The following TMEM163 variants were observed in gnomAD, a reference collection of about 807,000 sequenced individuals.
TMEM163 encodes transmembrane protein 163.
In TMEM163, 17 loss-of-function variants were observed where a neutral mutation model predicts 29.3. The observed-to-expected ratio is 0.58, with a 90% CI of 0.40 to 0.87. The LOEUF is 0.87. Ranked by LOEUF, TMEM163 falls within the 40% of genes least tolerant of loss-of-function variation. The pLI, the probability that TMEM163 is intolerant of heterozygous loss-of-function variation, is 0.00. For synonymous variants in TMEM163, 157 were observed against 160.6 expected (o/e 0.98, Z 0.17); for missense variants, 303 against 381.5 (o/e 0.79, Z 1.71).
At chr2:134,550,728 G>T in intron 3 of TMEM163, 67 bp from the exon 4 acceptor site, 1 of 1,444,208 alleles carries the variant, frequency 6.9e-7, no homozygotes, top group Non-Finnish European at 9.7e-7. Flanking sequence ...GAAGACACAG[G>T]ACAACTGTGC....
At chr2:134,642,738 C>T (rs927753636) in intron 2 of TMEM163, among the ~76,000 whole-genome samples, 2 of 151,844 alleles carry the variant, frequency 1.3e-5, no homozygotes, top group Non-Finnish European at 2.9e-5. Context: ...CATTTAGAAA[C>T]CAAACAACAC....
chr2:134,633,964 TACA>T (rs1683036340), intron 2 of TMEM163, among the ~76,000 whole-genome samples: 1 of 51,958 alleles, frequency 1.9e-5, no homozygotes, highest in East Asian at 6.6e-4. Context: ...AAAAAAAAAA[TACA>T]TATATATATA....
intron 4 of TMEM163, among the ~76,000 whole-genome samples, chr2:134,532,877 T>A (rs1044020765): frequency 3.3e-5 from 5 of 152,138 alleles, no homozygotes; most frequent in Admixed American, 3.3e-4. Flanking sequence ...ACAATCAAAA[T>A]TACAGATCAG....
At chr2:134,621,717 C>T (rs1682739856) in intron 2 of TMEM163, among the ~76,000 whole-genome samples, 1 of 151,608 alleles carries the variant, frequency 6.6e-6, no homozygotes, top group African/African-American at 2.4e-5. Flanking sequence ...AGTGAAACCC[C>T]GTCTCTACTA....
rs1684960125 is a variant in TMEM163 at position 134,713,066 on chromosome 2, C to T, written c.322+134G>A. On this transcript the variant is annotated intron_variant, in intron 2 of 7. Transcript: ENST00000281924. ...GCCTTTTGACTAATTTATCAGTACCCTGACTATCCAACAATCTAAAAAAAT... is the reference window on the plus strand; with the variant it reads ...GCCTTTTGACTAATTTATCAGTACCTTGACTATCCAACAATCTAAAAAAAT... 9 of 1,334,236 alleles carry T rather than the reference C, an allele frequency of 6.7e-6. No homozygotes were observed. The Admixed American group carries it at 7.4e-5, about 11-fold the overall frequency. 82.6% of individuals were successfully genotyped at this position (1,334,236 alleles called of 1,614,324 possible). A position where few individuals can be genotyped will look rare whatever the true frequency, so the allele number is the denominator to read the frequency against.
chr2:134,685,117 G>A (rs946981884), intron 2 of TMEM163, among the ~76,000 whole-genome samples: 3 of 152,070 alleles, frequency 2.0e-5, no homozygotes, highest in African/African-American at 7.2e-5. Context: ...AGTTGACAAG[G>A]TAATTGACAG....
chr2:134,492,422 A>C (rs1488736983), intron 5 of TMEM163, among the ~76,000 whole-genome samples: 1 of 152,228 alleles, frequency 6.6e-6, no homozygotes, highest in Non-Finnish European at 1.5e-5. Flanking sequence ...ATAAATTAAC[A>C]GACTAACGTA....
intron 4 of TMEM163, among the ~76,000 whole-genome samples, chr2:134,546,575 C>T (rs58396147): frequency 0.13 from 18,764 of 149,908 alleles, 2,558 homozygotes; most frequent in African/African-American, 0.34. Context: ...ACCCGGGAGG[C>T]GGAGCTTGCA....
intron 2 of TMEM163, among the ~76,000 whole-genome samples, chr2:134,605,573 C>A (rs1270282068): frequency 6.6e-6 from 1 of 152,038 alleles, no homozygotes; most frequent in Non-Finnish European, 1.5e-5. Context: ...TGGCAGGCGC[C>A]TGTAATCCCA....
intron 5 of TMEM163, among the ~76,000 whole-genome samples, chr2:134,483,064 G>A (rs116671074): frequency 0.029 from 4,387 of 152,256 alleles, 83 homozygotes; most frequent in Non-Finnish European, 0.044. Context: ...AGGTAAGGCA[G>A]CAGCGGCCGA....
intron 2 of TMEM163, among the ~76,000 whole-genome samples, chr2:134,602,138 G>A (rs1240326272): frequency 4.6e-5 from 7 of 152,202 alleles, no homozygotes; most frequent in South Asian, 2.1e-4. Context: ...TGAAATGTCC[G>A]GTGAGAAATT....
chr2:134,465,173 G>A (rs1463948924), intron 6 of TMEM163, among the ~76,000 whole-genome samples: 4 of 139,796 alleles, frequency 2.9e-5, no homozygotes, highest in African/African-American at 9.0e-5. Flanking sequence ...GCAACAACAT[G>A]GTGAGTCCGC....
chr2:134,666,626 G>A (rs1430359720), intron 2 of TMEM163, among the ~76,000 whole-genome samples: 1 of 152,180 alleles, frequency 6.6e-6, no homozygotes, highest in Non-Finnish European at 1.5e-5. Flanking sequence ...CAACCTTTGA[G>A]GCTGCACCAT....
chr2:134,456,366 T>G lies in TMEM163; in HGVS notation c.*350A>C, dbSNP rs1574143560. The stretch of plus-strand genomic sequence containing the variant: ...GGCCACCCAAGCTGGAGGAGGTGGG[T>G]CTGCTCAGTCCTATGCAGCGCAGGC... On this transcript the variant is annotated 3_prime_UTR_variant, in exon 8 of 8. Coordinates refer to ENST00000281924, the MANE Select transcript of TMEM163 (RefSeq NM_030923.5). 4.8e-6 allele frequency: 1 copy of G among 206,428 alleles called. No homozygotes were observed. The highest frequency in any genetic ancestry group is 9.7e-6 in the Non-Finnish European group (1 of 102,778). The allele number at this position is 206,428 out of a possible 1,614,324, so 12.8% of individuals were successfully genotyped here. A position where few individuals can be genotyped will look rare whatever the true frequency, so the allele number is the denominator to read the frequency against.
intron 2 of TMEM163, among the ~76,000 whole-genome samples, chr2:134,610,267 G>C (rs1348570008): frequency 6.6e-6 from 1 of 152,206 alleles, no homozygotes; most frequent in Non-Finnish European, 1.5e-5. Flanking sequence ...GGCTCTCTCA[G>C]AGCCACTGTG....
intron 5 of TMEM163, chr2:134,468,180 G>A (rs1253441237): frequency 2.6e-5 from 4 of 152,278 alleles, no homozygotes; most frequent in African/African-American, 9.6e-5. Context: ...CTAATTGCCA[G>A]GGTGACGGTA....
intron 2 of TMEM163, among the ~76,000 whole-genome samples, chr2:134,656,005 G>C (rs1395093922): frequency 6.9e-6 from 1 of 145,704 alleles, no homozygotes; most frequent in Non-Finnish European, 1.5e-5. Context: ...CTTTTCCTTT[G>C]TCTGTGCCCT....
intron 1 of TMEM163, among the ~76,000 whole-genome samples, chr2:134,715,090 G>A (rs1164440681): frequency 6.6e-6 from 1 of 152,190 alleles, no homozygotes; most frequent in Non-Finnish European, 1.5e-5. Flanking sequence ...TTGTTTGCTA[G>A]GTATTTTGAC....
At chr2:134,713,600 G>T (rs776573720) in intron 1 of TMEM163, 30 of 564,158 alleles carry the variant, frequency 5.3e-5, no homozygotes, top group South Asian at 4.6e-4. Flanking sequence ...ACCACTCCTT[G>T]ACATACCACA....
Sources: allele counts gnomAD v4.1 joint callset (sites outside exome capture counted in the v4.1 genomes callset), GRCh38; gene constraint gnomAD v4.1.1; transcripts MANE v1.5; gene names NCBI Gene and HGNC (gene_info 2026-07-23, HGNC 2026-07-21).